Variants in DLGAP4 observed in about 807,000 individuals in gnomAD.
The protein encoded by DLGAP4 is disks large-associated protein 4.
Under a neutral mutation model 86.9 loss-of-function variants are expected in DLGAP4, and 18 were observed. That is an observed-to-expected ratio of 0.21 (90% CI 0.14 to 0.31). The LOEUF is 0.31. Among genes scored for constraint, DLGAP4 ranks in the 10% least tolerant of loss-of-function variants. The pLI, the probability that DLGAP4 is intolerant of heterozygous loss-of-function variation, is 1.00. For missense variants in DLGAP4, 1,085 were observed against 1,362.6 expected, an observed-to-expected ratio of 0.80 and a Z score of 3.21; for synonymous variants, 548 against 574.3, an observed-to-expected ratio of 0.95 and a Z score of 0.65.
chr20:36,343,951 A>G (rs532680519), intron 1 of DLGAP4, among the ~76,000 whole-genome samples: 1 of 152,376 alleles, frequency 6.6e-6, no homozygotes, highest in Non-Finnish European at 1.5e-5. Context: ...CAGTGGGATC[A>G]CTACTGAGGG....
chr20:36,460,873 C>T (rs1299460188), intron 7 of DLGAP4, among the ~76,000 whole-genome samples: 2 of 152,210 alleles, frequency 1.3e-5, no homozygotes, highest in East Asian at 1.9e-4. Context: ...GGATGTTGTT[C>T]AAGATCACAC....
Position 36,408,343 on chromosome 20 carries a change from A to T in DLGAP4, c.-72-23303A>T, listed in dbSNP as rs1224534134. ...CTCCGCTAAAGACCCCTGGAGGACC[A>T]AGCAGAATACACAAGGCAGAGTTAT... On this transcript the variant is annotated intron_variant, in intron 2 of 12. Transcript: ENST00000339266. Among the ~76,000 whole-genome samples, 5 of 152,110 alleles carry T rather than the reference A, an allele frequency of 3.3e-5. No homozygotes were observed. The East Asian group carries it at 9.7e-4, about 29-fold the overall frequency.
At chr20:36,460,820 T>C (rs1483459933) in intron 7 of DLGAP4, among the ~76,000 whole-genome samples, 3 of 152,234 alleles carry the variant, frequency 2.0e-5, no homozygotes, top group Non-Finnish European at 2.9e-5. Flanking sequence ...CTTGTTGTTT[T>C]ATTTTACGGG....
intron 2 of DLGAP4, among the ~76,000 whole-genome samples, chr20:36,394,612 C>T (rs867354520): frequency 3.9e-5 from 6 of 152,260 alleles, no homozygotes; most frequent in Admixed American, 6.5e-5. Context: ...GTAATTCCAG[C>T]GGTGCTTCCC....
rs1048667671 is a variant in DLGAP4 at position 36,372,484 on chromosome 20, G to A, written c.-73+5209G>A. On this transcript the variant is annotated intron_variant, in intron 2 of 12. Transcript: ENST00000339266. ...CATCTGCCAGTGAGCATCCTTGCTA[G>A]ATAAGCTGTGATGGGGACACCCTGG... Among the ~76,000 whole-genome samples the A allele has an allele frequency of 1.0e-3, 155 of 150,770 alleles. 2 individuals carry two copies. The highest frequency in any genetic ancestry group is 3.5e-4 in the Non-Finnish European group (24 of 67,884).
Position 36,435,983 on chromosome 20 carries a change from G to A in DLGAP4, c.1000-126G>A, listed in dbSNP as rs572655421. The A allele has an allele frequency of 9.8e-5, 135 of 1,375,026 alleles. 1 individual carries two copies. In the African/African-American group the frequency reaches 1.4e-3, roughly 15 times the overall value. The allele number at this position is 1,375,026 out of a possible 1,614,324, so 85.2% of individuals were successfully genotyped here. A position where few individuals can be genotyped will look rare whatever the true frequency, so the allele number is the denominator to read the frequency against. ...TCTGCTGCCCCGAGGTTTCAAAGGC[G>A]GGAAACCCAGCACGTGAGCCCGAAT... On this transcript the variant is annotated intron_variant, in intron 3 of 12. Coordinates refer to ENST00000339266, the MANE Select transcript of DLGAP4 (RefSeq NM_001365621.2).
chr20:36,350,423 A>T lies in DLGAP4; in HGVS notation c.-303-16622A>T, dbSNP rs1485607513. On this transcript the variant is annotated intron_variant, in intron 1 of 12. Coordinates refer to ENST00000339266, the MANE Select transcript of DLGAP4 (RefSeq NM_001365621.2). The surrounding 1 kb of genome is among the most constrained non-coding windows in gnomAD (Gnocchi z 4.4). ...AGGAGGCCCCTTCTCCATCCCCAGCACCTGCCCCATCCTGACTCCGCTGAC... is the reference window on the plus strand; with the variant it reads ...AGGAGGCCCCTTCTCCATCCCCAGCTCCTGCCCCATCCTGACTCCGCTGAC... 6.6e-6 allele frequency among the ~76,000 whole-genome samples: 1 copy of T among 152,072 alleles called. No homozygotes were observed. Among genetic ancestry groups the T allele is most frequent in the Non-Finnish European group, 1.5e-5 (1 of 67,998 alleles).
intron 5 of DLGAP4, among the ~76,000 whole-genome samples, chr20:36,441,030 C>T (rs926594738): frequency 6.6e-6 from 1 of 152,070 alleles, no homozygotes; most frequent in Non-Finnish European, 1.5e-5. Context: ...CTGCCCCTGC[C>T]CCCCTCATCC....
At chr20:36,516,597 C>G (rs2037050404) in intron 10 of DLGAP4, among the ~76,000 whole-genome samples, 1 of 146,548 alleles carries the variant, frequency 6.8e-6, no homozygotes, top group South Asian at 2.1e-4. Context: ...ACCCGGGAGG[C>G]AGAGGTTGCA....
At chr20:36,450,559 T>A (rs1467745237) in intron 7 of DLGAP4, among the ~76,000 whole-genome samples, 1 of 152,134 alleles carries the variant, frequency 6.6e-6, no homozygotes, top group Non-Finnish European at 1.5e-5. Flanking sequence ...TTGGCTGTAT[T>A]TACTCATGCC....
At chr20:36,513,732 G>A (rs756177608) in intron 10 of DLGAP4, among the ~76,000 whole-genome samples, 1 of 152,122 alleles carries the variant, frequency 6.6e-6, no homozygotes, top group East Asian at 1.9e-4. Flanking sequence ...CTTGAAGATA[G>A]AACAGGATTT....
At chr20:36,464,333 G>C (rs2034241826) in intron 7 of DLGAP4, among the ~76,000 whole-genome samples, 1 of 152,204 alleles carries the variant, frequency 6.6e-6, no homozygotes, top group African/African-American at 2.4e-5. Context: ...GCCAAGGCAG[G>C]CAGGTCGCTT....
At chr20:36,495,922 G>A (rs764469130) in intron 7 of DLGAP4, among the ~76,000 whole-genome samples, 5 of 152,126 alleles carry the variant, frequency 3.3e-5, no homozygotes, top group Non-Finnish European at 5.9e-5. Flanking sequence ...CCCCAGGCTG[G>A]AGTGCAATGG....
Position 36,499,643 on chromosome 20 carries a change from A to C in DLGAP4, c.2066A>C (p.Gln689Pro), listed in dbSNP as rs1600660885. The C allele has an allele frequency of 1.2e-6, 2 of 1,613,920 alleles. No individual in the cohort carries two copies. The highest frequency in any genetic ancestry group is 1.7e-6 in the Non-Finnish European group (2 of 1,179,962). Residue 689 changes from glutamine to proline, a missense_variant, in exon 9 of 13, where the codon CAG (glutamine) becomes CCG (proline). Coordinates refer to ENST00000339266, the MANE Select transcript of DLGAP4 (RefSeq NM_001365621.2). ...KEEPSPATKFQSIGVQVEDDW... is the reference protein window; with the variant it reads ...KEEPSPATKFPSIGVQVEDDW... Reference sequence around the variant, plus strand: ...GAGCCCAGTCCCGCTACCAAATTCCAGTCCATCGGGGTTCAGGTAGAGGAC... The same window carrying C: ...GAGCCCAGTCCCGCTACCAAATTCCCGTCCATCGGGGTTCAGGTAGAGGAC...
chr20:36,341,267 CT>C (rs781071259), intron 1 of DLGAP4, among the ~76,000 whole-genome samples: 158 of 152,332 alleles, frequency 1.0e-3, no homozygotes, highest in Non-Finnish European at 1.8e-3. Context: ...TCAGAGGAGC[CT>C]TCTGTGACCT....
At chr20:36,436,452 C>G in intron 4 of DLGAP4, 102 bp downstream of exon 4, 1 of 1,424,858 alleles carries the variant, frequency 7.0e-7, no homozygotes, top group Admixed American at 2.8e-5. Flanking sequence ...TAAGCCCCGC[C>G]TGCGTGGGAG....
intron 2 of DLGAP4, among the ~76,000 whole-genome samples, chr20:36,374,045 A>AG (rs1019992575): frequency 4.0e-5 from 6 of 151,602 alleles, no homozygotes; most frequent in South Asian, 2.1e-4. Flanking sequence ...AAAAAAAAAA[A>AG]AAAAGAAAAA....
At position 36,383,610 on chromosome 20, in the gene DLGAP4, A is replaced by G. The variant is rs529620692; in HGVS notation, c.-73+16335A>G. Among the ~76,000 whole-genome samples the G allele has an allele frequency of 3.3e-5, 5 of 152,080 alleles. No individual in the cohort carries two copies. The South Asian group carries it at 1.0e-3, about 32-fold the overall frequency. On this transcript the variant is annotated intron_variant, in intron 2 of 12. Coordinates refer to ENST00000339266, the MANE Select transcript of DLGAP4 (RefSeq NM_001365621.2). ...CAGAAAGCCTTCCTGAGCTACCCCAATCCAAGGAACTTCACGGGGTGAGAA... is the reference window on the plus strand; with the variant it reads ...CAGAAAGCCTTCCTGAGCTACCCCAGTCCAAGGAACTTCACGGGGTGAGAA...
intron 2 of DLGAP4, among the ~76,000 whole-genome samples, chr20:36,396,373 CACCCCACATA>C (rs2031963541): frequency 7.2e-5 from 3 of 41,486 alleles, no homozygotes; most frequent in Non-Finnish European, 8.8e-5. Context: ...CACATACACA[CACCCCACATA>C]CACACATGCC....
Sources: allele counts gnomAD v4.1 joint callset (sites outside exome capture counted in the v4.1 genomes callset), GRCh38; gene constraint gnomAD v4.1.1; non-coding constraint Gnocchi (gnomAD v3.1); transcripts MANE v1.5; gene names NCBI Gene and HGNC (gene_info 2026-07-23, HGNC 2026-07-21).